The following KCNH1 variants were observed in gnomAD, a reference collection of about 807,000 sequenced individuals.
KCNH1 encodes the protein voltage-gated delayed rectifier potassium channel KCNH1.
In KCNH1, 27 loss-of-function variants were observed where a neutral mutation model predicts 69.2. The observed-to-expected ratio is 0.39, with a 90% CI of 0.29 to 0.54. The LOEUF (loss-of-function observed/expected upper bound fraction) is 0.54. KCNH1 is among the 20% of genes least tolerant of loss of function. The pLI is 0.68. For synonymous variants in KCNH1, 456 were observed against 487.7 expected (o/e 0.93, Z 0.86); for missense variants, 798 against 1,261.6 (o/e 0.63, Z 5.57).
At chr1:211,038,656 G>T (rs1471059924) in intron 5 of KCNH1, among the ~76,000 whole-genome samples, 1 of 152,154 alleles carries the variant, frequency 6.6e-6, no homozygotes, top group Non-Finnish European at 1.5e-5. Flanking sequence ...ACTTGTTGGG[G>T]ACTGGAGCAA....
At chr1:210,935,120 TCACACACACACACACACA>T (rs10588037) in intron 6 of KCNH1, among the ~76,000 whole-genome samples, 5,372 of 129,224 alleles carry the variant, frequency 0.042, 207 homozygotes, top group South Asian at 0.11. Context: ...AAAGAAAATG[TCACACACACACACACACA>T]CACACACACA....
intron 1 of KCNH1, among the ~76,000 whole-genome samples, chr1:211,109,190 A>T (rs1180199899): frequency 2.0e-5 from 3 of 152,194 alleles, no homozygotes; most frequent in Admixed American, 6.5e-5. Context: ...AGAGGGTGTG[A>T]GAGGAAGGGA....
chr1:210,859,285 T>G (rs1685922615), intron 7 of KCNH1: 1 of 1,582,314 alleles, frequency 6.3e-7, no homozygotes, highest in Admixed American at 1.7e-5. Flanking sequence ...GAGCTGCTCT[T>G]CTTTGATTGG....
chr1:210,821,568 T>C (rs12034491), intron 7 of KCNH1, among the ~76,000 whole-genome samples: 69,045 of 151,798 alleles, frequency 0.45, 15,734 homozygotes, highest in East Asian at 0.63. Context: ...CTGTAGTGGG[T>C]GAGCACATAT....
chr1:210,746,278 C>T lies in KCNH1; in HGVS notation c.2112+29070G>A, dbSNP rs532894003. On this transcript the variant is annotated intron_variant, in intron 10 of 10. Transcript: ENST00000271751. The stretch of plus-strand genomic sequence containing the variant: ...CAGAGTTTTATTGTGTAAAAACTAC[C>T]TCTCATGCTCTTAGGTGAAACTCAT... 1.1e-4 allele frequency among the ~76,000 whole-genome samples: 17 copies of T among 152,288 alleles called. No homozygotes were observed. The South Asian group carries it at 2.1e-3, about 19-fold the overall frequency.
intron 3 of KCNH1, among the ~76,000 whole-genome samples, chr1:211,098,681 C>G (rs1027906838): frequency 2.0e-5 from 3 of 151,880 alleles, no homozygotes; most frequent in African/African-American, 7.3e-5. Context: ...GGGAAAATGC[C>G]TATAATTAAA....
At chr1:210,941,427 T>A (rs1687873419) in intron 6 of KCNH1, among the ~76,000 whole-genome samples, 1 of 152,118 alleles carries the variant, frequency 6.6e-6, no homozygotes, top group Admixed American at 6.5e-5. Flanking sequence ...GGCAAGGTTT[T>A]AAAAAGCTGG....
chr1:210,718,440 ATATATATAAAATAT>A (rs1682336917), intron 10 of KCNH1, among the ~76,000 whole-genome samples: 1 of 5,622 alleles, frequency 1.8e-4, no homozygotes, highest in Admixed American at 2.5e-3. Context: ...ACATATATGT[ATATATATAAAATAT>A]ATACATATAT....
At chr1:210,738,882 T>C (rs1469969566) in intron 10 of KCNH1, among the ~76,000 whole-genome samples, 2 of 152,180 alleles carry the variant, frequency 1.3e-5, no homozygotes, top group South Asian at 4.1e-4. Flanking sequence ...CTATTGTTTC[T>C]CAGCCTGATT....
chr1:211,086,274 C>T (rs997080435), intron 4 of KCNH1, among the ~76,000 whole-genome samples: 2 of 152,166 alleles, frequency 1.3e-5, no homozygotes, highest in Non-Finnish European at 2.9e-5. Context: ...ATTTCACAAA[C>T]TCTCTTCAGT....
intron 5 of KCNH1, among the ~76,000 whole-genome samples, chr1:211,028,821 G>A (rs905509534): frequency 1.3e-5 from 2 of 151,768 alleles, no homozygotes; most frequent in Non-Finnish European, 2.9e-5. Context: ...AATAAATAAT[G>A]GTGTCAAAAT....
intron 6 of KCNH1, among the ~76,000 whole-genome samples, chr1:210,968,697 C>T (rs2102364546): frequency 6.6e-6 from 1 of 151,888 alleles, no homozygotes; most frequent in East Asian, 1.9e-4. Flanking sequence ...TGTCCTTCGC[C>T]CACTTTTTGA....
chr1:210,757,823 C>T (rs1193120233), intron 10 of KCNH1, among the ~76,000 whole-genome samples: 2 of 152,234 alleles, frequency 1.3e-5, no homozygotes, highest in Non-Finnish European at 2.9e-5. Flanking sequence ...CATGCAAATA[C>T]CATCAGCTAT....
intron 10 of KCNH1, among the ~76,000 whole-genome samples, chr1:210,704,174 C>A (rs1315265073): frequency 6.6e-6 from 1 of 152,146 alleles, no homozygotes; most frequent in Non-Finnish European, 1.5e-5. Context: ...GGCAGCAGCT[C>A]TTCCTGCCCC....
chr1:210,693,074 G>T (rs897647222), intron 10 of KCNH1, among the ~76,000 whole-genome samples: 1 of 152,132 alleles, frequency 6.6e-6, no homozygotes, highest in Non-Finnish European at 1.5e-5. Context: ...AGCTGAAGCC[G>T]GCATAGAAGC....
intron 5 of KCNH1, among the ~76,000 whole-genome samples, chr1:211,034,333 T>G (rs1054454828): frequency 2.0e-5 from 3 of 151,954 alleles, no homozygotes; most frequent in African/African-American, 7.3e-5. Context: ...AAAGATTACA[T>G]ACTTATGACT....
intron 5 of KCNH1, among the ~76,000 whole-genome samples, chr1:211,081,470 A>G (rs901011015): frequency 6.6e-6 from 1 of 152,242 alleles, no homozygotes; most frequent in Non-Finnish European, 1.5e-5. Flanking sequence ...ATTACTGGGT[A>G]TATACCCAAA....
rs1314697871 is a variant in KCNH1, at chr1:210,793,159, GA to G, written c.1915+4348del. 2.6e-5 allele frequency among the ~76,000 whole-genome samples: 4 copies of G among 152,170 alleles called. No individual in the cohort carries two copies. In the South Asian group the frequency reaches 8.3e-4, roughly 32 times the overall value. On this transcript the variant is annotated intron_variant, in intron 9 of 10. Transcript: ENST00000271751. ...CTAAGAGAATTCCAAAAGGATATAA[GA>G]AGGATTTCATGCAAAATTAAGGCAG...
intron 7 of KCNH1, among the ~76,000 whole-genome samples, chr1:210,816,426 T>C (rs1684817466): frequency 6.6e-6 from 1 of 152,222 alleles, no homozygotes; most frequent in Non-Finnish European, 1.5e-5. Flanking sequence ...ACCAGTGTTT[T>C]AATAGCACCA....
Sources: gnomAD v4.1 joint callset for allele counts (sites outside exome capture counted in the v4.1 genomes callset) on GRCh38, gnomAD v4.1.1 for gene constraint, MANE v1.5 for transcripts, NCBI Gene and HGNC (gene_info 2026-07-23, HGNC 2026-07-21) for gene names.